The following LIN9 variants were observed in gnomAD, a reference collection of about 807,000 sequenced individuals.
LIN9 encodes the protein lin-9 DREAM MuvB core complex component, also known as protein lin-9 homolog.
A neutral mutation model predicts 78.0 loss-of-function variants in LIN9; 18 were observed. The observed-to-expected ratio is 0.23, with a 90% CI of 0.16 to 0.34. The LOEUF (loss-of-function observed/expected upper bound fraction) is 0.34. Among genes scored for constraint, LIN9 ranks in the 10% least tolerant of loss-of-function variants. The pLI is 1.00. For missense variants in LIN9, 451 were observed against 644.1 expected (o/e 0.70, Z 3.25); for synonymous variants, 192 against 215.2 (o/e 0.89, Z 0.94).
At chr1:226,256,500 A>G (rs182369823) in intron 10 of LIN9, among the ~76,000 whole-genome samples, 10 of 151,950 alleles carry the variant, frequency 6.6e-5, no homozygotes, top group Admixed American at 2.0e-4. Flanking sequence ...GGAGTTGTGC[A>G]GCAGCCTGAG....
At chr1:226,293,673 A>G (rs1661937443) in intron 4 of LIN9, among the ~76,000 whole-genome samples, 1 of 152,160 alleles carries the variant, frequency 6.6e-6, no homozygotes, top group Admixed American at 6.5e-5. Context: ...TCTGCCTCCC[A>G]GGTTCAAGTA....
At chr1:226,243,664 C>T (rs1190227581) in intron 11 of LIN9, among the ~76,000 whole-genome samples, 1 of 141,728 alleles carries the variant, frequency 7.1e-6, no homozygotes. Flanking sequence ...GCACTGCACT[C>T]CAGCCTGGGC....
Position 226,286,473 on chromosome 1 carries a change from T to C in LIN9, c.399-15A>G, listed in dbSNP as rs746448849. 14 of 1,536,652 alleles carry C rather than the reference T, an allele frequency of 9.1e-6. No individual in the cohort carries two copies. The highest frequency in any genetic ancestry group is 2.0e-5 in the Admixed American group (1 of 50,114). On this transcript the variant is annotated splice_polypyrimidine_tract_variant and intron_variant, in intron 5 of 14. Coordinates refer to ENST00000681046, the MANE Select transcript of LIN9 (RefSeq NM_001366245.2). The stretch of plus-strand genomic sequence containing the variant: ...CAAAAAGTGGTCTGTAAAACAGATA[T>C]AGTATTTTAATGGTTACATACAATG...
At chr1:226,251,581 C>T (rs1359664581) in intron 10 of LIN9, among the ~76,000 whole-genome samples, 1 of 152,082 alleles carries the variant, frequency 6.6e-6, no homozygotes, top group Non-Finnish European at 1.5e-5. Context: ...AGACTGGTCT[C>T]GAACTCCTGA....
At chr1:226,276,428 A>G (rs77256326) in intron 7 of LIN9, among the ~76,000 whole-genome samples, 32 of 152,314 alleles carry the variant, frequency 2.1e-4, no homozygotes, top group Non-Finnish European at 4.6e-4. Flanking sequence ...AGATCATATC[A>G]TCTATAATCT....
intron 3 of LIN9, among the ~76,000 whole-genome samples, chr1:226,296,602 C>T (rs929986638): frequency 2.0e-5 from 3 of 152,144 alleles, no homozygotes; most frequent in African/African-American, 7.2e-5. Flanking sequence ...GAAATAATAT[C>T]CCGATAAGAC....
At chr1:226,289,817 A>C (rs1478546743) in intron 4 of LIN9, among the ~76,000 whole-genome samples, 1 of 98,132 alleles carries the variant, frequency 1.0e-5, no homozygotes, top group Non-Finnish European at 1.9e-5. Flanking sequence ...TGTTACTAGG[A>C]CAACTAAGTA....
intron 1 of LIN9, among the ~76,000 whole-genome samples, chr1:226,307,444 C>T (rs1662984498): frequency 6.6e-6 from 1 of 152,076 alleles, no homozygotes; most frequent in African/African-American, 2.4e-5. Context: ...ACCAGCCTGA[C>T]CAACATGGAG....
At chr1:226,277,044 A>G (rs888802136) in intron 7 of LIN9, among the ~76,000 whole-genome samples, 1 of 151,932 alleles carries the variant, frequency 6.6e-6, no homozygotes, top group Admixed American at 6.6e-5. Context: ...TAGAATAATT[A>G]AAAATAAAAA....
At chr1:226,298,596 C>T (rs1366036538) in intron 2 of LIN9, among the ~76,000 whole-genome samples, 1 of 152,234 alleles carries the variant, frequency 6.6e-6, no homozygotes, top group African/African-American at 2.4e-5. Context: ...TGCAATGGCT[C>T]ATGCCTATAA....
At chr1:226,232,651 T>C in intron 14 of LIN9, 45 bp from the exon 15 acceptor site, 1 of 1,292,448 alleles carries the variant, frequency 7.7e-7, no homozygotes, top group African/African-American at 1.5e-5. Context: ...TTCAAAAAAT[T>C]AAGAAAAAAA....
intron 12 of LIN9, among the ~76,000 whole-genome samples, chr1:226,238,270 A>G (rs1229707846): frequency 1.3e-5 from 2 of 152,212 alleles, no homozygotes; most frequent in Admixed American, 1.3e-4. Context: ...TGTGAGAAAA[A>G]GCAGGTATTG....
chr1:226,287,538 C>T (rs1253033909), intron 5 of LIN9, 126 bp downstream of exon 5: 3 of 614,154 alleles, frequency 4.9e-6, no homozygotes, highest in East Asian at 6.2e-5. Context: ...GAATGTGGAA[C>T]AGAAAAATGA....
At chr1:226,271,617 G>A (rs1194918517) in intron 7 of LIN9, among the ~76,000 whole-genome samples, 1 of 152,118 alleles carries the variant, frequency 6.6e-6, no homozygotes, top group African/African-American at 2.4e-5. Context: ...GTGTTGTTGA[G>A]ATCCTCTATA....
At chr1:226,263,104 A>G (rs1659697659) in intron 10 of LIN9, among the ~76,000 whole-genome samples, 1 of 152,258 alleles carries the variant, frequency 6.6e-6, no homozygotes, top group Non-Finnish European at 1.5e-5. Flanking sequence ...GGAAACAGTA[A>G]AAAGATCAGT....
chr1:226,243,396 TA>T (rs763890121), intron 11 of LIN9, among the ~76,000 whole-genome samples: 62 of 152,286 alleles, frequency 4.1e-4, no homozygotes, highest in Non-Finnish European at 7.8e-4. Context: ...AAAATTTATT[TA>T]AAAATGTCTG....
chr1:226,254,028 C>T lies in LIN9; in HGVS notation c.1039-3109G>A, dbSNP rs536380649. On this transcript the variant is annotated intron_variant, in intron 10 of 14. Coordinates refer to ENST00000681046, the MANE Select transcript of LIN9 (RefSeq NM_001366245.2). ...CTCACTGCAGCCTCAACCTCCTGGGCTCAAGTGATCTTCCCACCTCAGACT... is the reference window on the plus strand; with the variant it reads ...CTCACTGCAGCCTCAACCTCCTGGGTTCAAGTGATCTTCCCACCTCAGACT... Among the ~76,000 whole-genome samples the T allele has an allele frequency of 4.6e-5, 7 of 152,328 alleles. No individual in the cohort carries two copies. In the East Asian group the frequency reaches 1.2e-3, roughly 25 times the overall value.
rs1657342278 is a variant in LIN9, at chr1:226,231,690, T to C, written c.*811A>G. 6.5e-6 allele frequency: 1 copy of C among 152,766 alleles called. No individual in the cohort carries two copies. The highest frequency in any genetic ancestry group is 1.5e-5 in the Non-Finnish European group (1 of 68,246). The allele number at this position is 152,766 out of a possible 1,614,324, so 9.5% of individuals were successfully genotyped here. A position where few individuals can be genotyped will look rare whatever the true frequency, so the allele number is the denominator to read the frequency against. ...TAATCTGGTTTAAAAGTTGTGCAAA[T>C]AAACAAAAAAATATGAAAATAGTGT... On this transcript the variant is annotated 3_prime_UTR_variant, in exon 15 of 15. Coordinates refer to ENST00000681046, the MANE Select transcript of LIN9 (RefSeq NM_001366245.2).
chr1:226,292,998 G>C (rs1661891748), intron 4 of LIN9, among the ~76,000 whole-genome samples: 1 of 152,124 alleles, frequency 6.6e-6, no homozygotes, highest in African/African-American at 2.4e-5. Context: ...GAAGTGCTTA[G>C]AACAGGACTC....
Sources: allele counts gnomAD v4.1 joint callset (sites outside exome capture counted in the v4.1 genomes callset), GRCh38; gene constraint gnomAD v4.1.1; transcripts MANE v1.5; gene names NCBI Gene and HGNC (gene_info 2026-07-23, HGNC 2026-07-21).